STOX2: variants seen among roughly 807,000 people sequenced by gnomAD.
The protein encoded by STOX2 is storkhead box 2.
Under a neutral mutation model 60.9 loss-of-function variants are expected in STOX2, and 28 were observed. The observed-to-expected ratio is 0.46, with a 90% confidence interval of 0.34 to 0.63. The LOEUF (loss-of-function observed/expected upper bound fraction) is 0.63. Among genes scored for constraint, STOX2 ranks in the 30% least tolerant of loss-of-function variants. STOX2 has a pLI of 0.01. For synonymous variants in STOX2, 472 were observed against 463.9 expected, an observed-to-expected ratio of 1.02 and a Z score of -0.22; for missense variants, 1,024 against 1,187.7, an observed-to-expected ratio of 0.86 and a Z score of 2.03.
intron 1 of STOX2, among the ~76,000 whole-genome samples, chr4:183,957,042 A>G (rs1743269992): frequency 6.7e-6 from 1 of 149,190 alleles, no homozygotes; most frequent in South Asian, 2.2e-4. Context: ...ATTAGGAGAT[A>G]TACCTAATGT....
At chr4:183,903,121 T>G (rs968478715), upstream of STOX2, among the ~76,000 whole-genome samples, 2 of 152,230 alleles carry the variant, frequency 1.3e-5, no homozygotes, top group Admixed American at 6.5e-5. Flanking sequence ...TATCATTGCT[T>G]CTTTGATCCA....
At chr4:183,908,752 T>C (rs1264719821) in intron 1 of STOX2, among the ~76,000 whole-genome samples, 1 of 152,178 alleles carries the variant, frequency 6.6e-6, no homozygotes, top group Non-Finnish European at 1.5e-5. Flanking sequence ...TTTTATTTCT[T>C]GATCTACAAA....
intron 1 of STOX2, among the ~76,000 whole-genome samples, chr4:183,926,624 T>G (rs982067005): frequency 3.1e-5 from 4 of 128,502 alleles, no homozygotes; most frequent in African/African-American, 5.8e-5. Flanking sequence ...CAAAAGTGGG[T>G]TTTTTTTTTT....
intron 1 of STOX2, among the ~76,000 whole-genome samples, chr4:183,843,819 T>C (rs1739924713): frequency 1.3e-5 from 2 of 152,246 alleles, no homozygotes; most frequent in Non-Finnish European, 2.9e-5. Flanking sequence ...TTTAATTCCA[T>C]AATCCATGTT....
At chr4:183,814,157 A>C (rs1486959831) in intron 1 of STOX2, among the ~76,000 whole-genome samples, 1 of 152,200 alleles carries the variant, frequency 6.6e-6, no homozygotes, top group Non-Finnish European at 1.5e-5. Context: ...GGAAAATATT[A>C]GGTAAATTAT....
Position 184,001,744 on chromosome 4 carries a change from T to C in STOX2, c.319+267T>C, listed in dbSNP as rs1018453346. 6.6e-6 allele frequency among the ~76,000 whole-genome samples: 1 copy of C among 151,992 alleles called. No individual in the cohort carries two copies. The highest frequency in any genetic ancestry group is 2.4e-5 in the African/African-American group (1 of 41,356). The stretch of plus-strand genomic sequence containing the variant: ...GAATCCATGAAGAATCTGGCAAGAA[T>C]GACCAGGACTCCAGTCAGTCTTTGC... On this transcript the variant is annotated intron_variant, in intron 2 of 3. Coordinates refer to ENST00000308497, the MANE Select transcript of STOX2 (RefSeq NM_020225.3). The surrounding 1 kb of genome is among the most constrained non-coding windows in gnomAD (Gnocchi z 4.2).
chr4:183,961,381 TG>T (rs1436957979), intron 1 of STOX2, among the ~76,000 whole-genome samples: 2 of 152,196 alleles, frequency 1.3e-5, no homozygotes, highest in African/African-American at 2.4e-5. Flanking sequence ...CTGCTGCTGC[TG>T]CTGCATAGAA....
chr4:183,944,874 A>G (rs1742843636), intron 1 of STOX2, among the ~76,000 whole-genome samples: 1 of 152,246 alleles, frequency 6.6e-6, no homozygotes. Context: ...TTACTCATTC[A>G]ACAAATTTTA....
chr4:183,946,717 C>T (rs1348011856), intron 1 of STOX2, among the ~76,000 whole-genome samples: 1 of 151,438 alleles, frequency 6.6e-6, no homozygotes. Context: ...CCTCCGCCTC[C>T]CAGCTTCAAG....
intron 1 of STOX2, among the ~76,000 whole-genome samples, chr4:183,912,891 G>A (rs1342010907): frequency 1.3e-5 from 2 of 152,200 alleles, no homozygotes; most frequent in Non-Finnish European, 2.9e-5. Flanking sequence ...GAAATTATAA[G>A]TATGTATGCT....
intron 1 of STOX2, among the ~76,000 whole-genome samples, chr4:183,891,355 AATTTAT>A (rs1560866615): frequency 2.4e-5 from 2 of 82,698 alleles, no homozygotes; most frequent in Admixed American, 1.5e-4. Context: ...TATATGATGG[AATTTAT>A]ATATATATAT....
At chr4:183,931,267 T>C (rs1742413301) in intron 1 of STOX2, among the ~76,000 whole-genome samples, 1 of 152,022 alleles carries the variant, frequency 6.6e-6, no homozygotes, top group Non-Finnish European at 1.5e-5. Context: ...TTACTAAAAA[T>C]ACAAAAATTA....
At chr4:183,872,671 T>C (rs928447201) in intron 1 of STOX2, among the ~76,000 whole-genome samples, 6 of 152,222 alleles carry the variant, frequency 3.9e-5, no homozygotes, top group African/African-American at 1.4e-4. Context: ...GCATATGACA[T>C]AGCTGTTGCT....
intron 1 of STOX2, among the ~76,000 whole-genome samples, chr4:183,957,749 C>G (rs183696417): frequency 1.6e-4 from 25 of 152,306 alleles, no homozygotes; most frequent in Admixed American, 1.6e-3. Context: ...TGCCTTGGAC[C>G]TATTTGTGAT....
chr4:183,816,259 G>A (rs1739150540), intron 1 of STOX2, among the ~76,000 whole-genome samples: 1 of 152,164 alleles, frequency 6.6e-6, no homozygotes, highest in African/African-American at 2.4e-5. Context: ...CAAGGTCATG[G>A]AATCAACACA....
At chr4:183,998,080 C>G (rs903059931) in intron 1 of STOX2, among the ~76,000 whole-genome samples, 1 of 152,160 alleles carries the variant, frequency 6.6e-6, no homozygotes, top group African/African-American at 2.4e-5. Flanking sequence ...ATGACCTATA[C>G]AAAAATCTGG....
At chr4:184,005,976 C>T (rs1733807094) in intron 2 of STOX2, among the ~76,000 whole-genome samples, 1 of 152,078 alleles carries the variant, frequency 6.6e-6, no homozygotes, top group Non-Finnish European at 1.5e-5. Flanking sequence ...AAAAATTTTT[C>T]TCTATTTTTC....
chr4:183,982,485 T>C (rs2111189782), intron 1 of STOX2, among the ~76,000 whole-genome samples: 1 of 152,204 alleles, frequency 6.6e-6, no homozygotes, highest in East Asian at 1.9e-4. Context: ...AGTTTTTAAT[T>C]TGTGTCTTTT....
At chr4:183,838,625 C>T (rs1475107412) in intron 1 of STOX2, among the ~76,000 whole-genome samples, 5 of 152,214 alleles carry the variant, frequency 3.3e-5, no homozygotes, top group Admixed American at 1.3e-4. Context: ...GCCACAGCCT[C>T]GCCAGTGTGT....
Sources: allele counts gnomAD v4.1 joint callset (sites outside exome capture counted in the v4.1 genomes callset), GRCh38; gene constraint gnomAD v4.1.1; non-coding constraint Gnocchi (gnomAD v3.1); transcripts MANE v1.5; gene names NCBI Gene and HGNC (gene_info 2026-07-23, HGNC 2026-07-21).